Variants in SATB1 observed in about 807,000 individuals in gnomAD.
The protein encoded by SATB1 is SATB homeobox 1.
Under a neutral mutation model 86.9 loss-of-function variants are expected in SATB1, and 11 were observed. That is an observed-to-expected ratio of 0.13 (90% CI 0.08 to 0.21). SATB1 has a LOEUF of 0.21. SATB1 is among the 10% of genes least tolerant of loss of function. The pLI is 1.00. For synonymous variants in SATB1, 357 were observed against 357.2 expected (o/e 1.00, Z 0.01); for missense variants, 551 against 937.6 (o/e 0.59, Z 5.39).
At chr3:18,413,090 T>A (rs1346073201) in intron 5 of SATB1, among the ~76,000 whole-genome samples, 1 of 152,038 alleles carries the variant, frequency 6.6e-6, no homozygotes, top group African/African-American at 2.4e-5. Flanking sequence ...CAGTGAGGTA[T>A]CCAGCCACAG....
chr3:18,405,087 C>T (rs1009658283), intron 5 of SATB1, among the ~76,000 whole-genome samples: 33 of 151,964 alleles, frequency 2.2e-4, no homozygotes, highest in Admixed American at 6.6e-4. Flanking sequence ...AGGAAGGTTA[C>T]GACCCCATTG....
chr3:18,358,646 A>C (rs540326780), intron 9 of SATB1, among the ~76,000 whole-genome samples: 1 of 152,164 alleles, frequency 6.6e-6, no homozygotes, highest in African/African-American at 2.4e-5. Flanking sequence ...GGTTTTAAAA[A>C]GGAAATATAT....
At chr3:18,416,208 T>C (rs1424891425) in intron 3 of SATB1, 75 bp from the exon 4 acceptor site, 11 of 1,175,202 alleles carry the variant, frequency 9.4e-6, no homozygotes, top group Non-Finnish European at 1.3e-5. Context: ...GGTGTTCTTT[T>C]CTTTTCTACT....
rs748351401 is a variant in SATB1 at position 18,397,307 on chromosome 3, G to A, written c.640-17C>T. On this transcript the variant is annotated splice_polypyrimidine_tract_variant and intron_variant, in intron 5 of 10. Coordinates refer to ENST00000338745, the MANE Select transcript of SATB1 (RefSeq NM_002971.6). ...AATCATACTCTGCATGAAGAAGGGG[G>A]GAGAATATTTGTAATACACAGCAGC... The A allele has an allele frequency of 3.4e-5, 47 of 1,382,340 alleles. No homozygotes were observed. The highest frequency in any genetic ancestry group is 1.8e-4 in the Middle Eastern group (1 of 5,602). The allele number at this position is 1,382,340 out of a possible 1,614,324, so 85.6% of individuals were successfully genotyped here.
At chr3:18,385,560 T>C (rs1006542166) in intron 8 of SATB1, among the ~76,000 whole-genome samples, 5 of 151,800 alleles carry the variant, frequency 3.3e-5, no homozygotes, top group South Asian at 2.1e-4. Flanking sequence ...GAGGCAGAGC[T>C]TGCAGTGAGT....
chr3:18,420,340 G>A (rs1391276356), intron 2 of SATB1, among the ~76,000 whole-genome samples: 1 of 152,124 alleles, frequency 6.6e-6, no homozygotes, highest in Non-Finnish European at 1.5e-5. Flanking sequence ...AGATGTCCAA[G>A]ATCTCTGAAA....
At chr3:18,399,885 C>T (rs1276379206) in intron 5 of SATB1, among the ~76,000 whole-genome samples, 1 of 151,944 alleles carries the variant, frequency 6.6e-6, no homozygotes, top group East Asian at 1.9e-4. Flanking sequence ...AATTAGATTG[C>T]TCCTATAGCC....
chr3:18,363,891 C>T lies in SATB1; in HGVS notation c.1576-11696G>A, dbSNP rs1179253657. 5.3e-5 allele frequency among the ~76,000 whole-genome samples: 8 copies of T among 152,068 alleles called. No individual in the cohort carries two copies. The East Asian group carries it at 1.3e-3, about 26-fold the overall frequency. On this transcript the variant is annotated intron_variant, in intron 9 of 10. Coordinates refer to ENST00000338745, the MANE Select transcript of SATB1 (RefSeq NM_002971.6). ...AAAATGTCTAATCTAAAAGCAAAGGCGTTCTCTCACAAAGTCCTACAGCAC... is the reference window on the plus strand; with the variant it reads ...AAAATGTCTAATCTAAAAGCAAAGGTGTTCTCTCACAAAGTCCTACAGCAC...
At chr3:18,361,264 C>T (rs971098281) in intron 9 of SATB1, among the ~76,000 whole-genome samples, 44 of 152,184 alleles carry the variant, frequency 2.9e-4, no homozygotes, top group African/African-American at 1.0e-3. Context: ...TACTCAGGTT[C>T]GCTAAACCTC....
In SATB1 at chr3:18,433,400, A is replaced by C. The variant is rs534681262; in HGVS notation, c.-25+3389T>G. Among the ~76,000 whole-genome samples the C allele has an allele frequency of 7.9e-5, 12 of 152,266 alleles. No individual in the cohort carries two copies. In the South Asian group the frequency reaches 2.3e-3, roughly 29 times the overall value. ...ATAAAAGAAAATTTTGTTTAAAAAA[A>C]CGCTTTCAAATTTAATCAGCTCAGT... On this transcript the variant is annotated intron_variant, in intron 2 of 3. Transcript: ENST00000414509.
intron 7 of SATB1, among the ~76,000 whole-genome samples, chr3:18,392,912 T>C (rs1696759365): frequency 6.7e-6 from 1 of 149,276 alleles, no homozygotes; most frequent in African/African-American, 2.5e-5. Context: ...GGTAAAACCA[T>C]ACAATTTTAA....
intron 9 of SATB1, among the ~76,000 whole-genome samples, chr3:18,357,062 A>G (rs906666136): frequency 6.6e-6 from 1 of 151,922 alleles, no homozygotes; most frequent in Admixed American, 6.6e-5. Context: ...TACTGCAACT[A>G]AGAAGGAAAA....
chr3:18,362,740 G>A (rs1203345380), intron 9 of SATB1, among the ~76,000 whole-genome samples: 1 of 150,096 alleles, frequency 6.7e-6, no homozygotes, highest in Non-Finnish European at 1.5e-5. Context: ...GCAATGTTAT[G>A]AAGCAAATTT....
chr3:18,443,343 T>C (rs746840234), upstream of SATB1, among the ~76,000 whole-genome samples: 13 of 152,250 alleles, frequency 8.5e-5, no homozygotes, highest in Non-Finnish European at 1.3e-4. This position sits in a 1 kb window ranked among gnomAD's most constrained non-coding sequence, Gnocchi z 4.4. Context: ...CTCTGGGGAA[T>C]AGGGCATCCT....
At chr3:18,367,691 C>G (rs1409482698) in intron 9 of SATB1, among the ~76,000 whole-genome samples, 1 of 152,176 alleles carries the variant, frequency 6.6e-6, no homozygotes, top group Non-Finnish European at 1.5e-5. Flanking sequence ...TCTTGTTAAA[C>G]TCCGTATACA....
At position 18,349,604 on chromosome 3, in the gene SATB1, T is replaced by C. The variant is rs1694244829; in HGVS notation, c.1858A>G (p.Thr620Ala). Residue 620 changes from threonine (T) to alanine (A), a missense_variant, in exon 11 of 11, where the codon ACA (threonine) becomes GCA (alanine). Physicochemically the swap from Thr to Ala is moderately conservative, Grantham distance 58. Transcript: ENST00000338745. This position sits in a 1 kb window ranked among gnomAD's most constrained non-coding sequence, Gnocchi z 5.5. ...PPPQPQQQPQ[T>A]GPRLPPRQPT... The stretch of plus-strand genomic sequence containing the variant: ...TGCCGTGGGGGGAGCCGAGGGCCTG[T>C]CTGTGGCTGCTGCTGTGGCTGTGGA... 1 of 1,613,490 alleles carries C rather than the reference T, an allele frequency of 6.2e-7. No homozygotes were observed. The highest frequency in any genetic ancestry group is 1.7e-5 in the Admixed American group (1 of 60,004).
chr3:18,422,722 A>G (rs1698453718), intron 1 of SATB1, among the ~76,000 whole-genome samples: 1 of 152,228 alleles, frequency 6.6e-6, no homozygotes, highest in Non-Finnish European at 1.5e-5. Context: ...CAGAAGATGA[A>G]TTTTAAAACA....
chr3:18,423,255 C>T (rs1450355878), intron 1 of SATB1, among the ~76,000 whole-genome samples: 1 of 152,214 alleles, frequency 6.6e-6, no homozygotes, highest in African/African-American at 2.4e-5. Context: ...AAGCTACTTT[C>T]TGAAAATCCC....
chr3:18,404,161 C>A (rs1575148233), intron 5 of SATB1, among the ~76,000 whole-genome samples: 1 of 152,002 alleles, frequency 6.6e-6, no homozygotes, highest in Admixed American at 6.6e-5. Flanking sequence ...TAGTTCCCAT[C>A]TGGTATTTTG....
Sources: gnomAD v4.1 joint callset for allele counts (sites outside exome capture counted in the v4.1 genomes callset) on GRCh38, gnomAD v4.1.1 for gene constraint, Gnocchi (gnomAD v3.1) non-coding constraint, MANE v1.5 for transcripts, NCBI Gene and HGNC (gene_info 2026-07-23, HGNC 2026-07-21) for gene names.